DAPK2: variants seen among roughly 807,000 people sequenced by gnomAD.
DAPK2 encodes the protein death-associated protein kinase 2.
In DAPK2, 35 loss-of-function variants were observed where a neutral mutation model predicts 44.1. That is an observed-to-expected ratio of 0.79 (90% confidence interval 0.61 to 1.05). DAPK2 has a LOEUF of 1.05. DAPK2 is among the 50% of genes least tolerant of loss of function. DAPK2 has a pLI of 0.00. For missense variants in DAPK2, 453 were observed against 483.2 expected (o/e 0.94, Z 0.59); for synonymous variants, 174 against 182.6 (o/e 0.95, Z 0.38).
At chr15:64,012,251 A>G (rs189326544) in intron 1 of DAPK2, among the ~76,000 whole-genome samples, 333 of 152,344 alleles carry the variant, frequency 2.2e-3, no homozygotes, top group African/African-American at 7.7e-3. Flanking sequence ...GAGAACATCC[A>G]CTGATTTATC....
chr15:64,024,128 C>G (rs1413432592), intron 1 of DAPK2, among the ~76,000 whole-genome samples: 1 of 152,138 alleles, frequency 6.6e-6, no homozygotes, highest in Non-Finnish European at 1.5e-5. Context: ...TTTTGTTACC[C>G]AACTTTAAGC....
upstream of DAPK2, chr15:64,046,322 CGCGGCCGCGGCAGGCGCGGCGGGA>C (rs1233029611): frequency 6.7e-3 from 6,376 of 952,354 alleles, 309 homozygotes; most frequent in African/African-American, 0.11. The surrounding 1 kb of genome is among the most constrained non-coding windows in gnomAD (Gnocchi z 5.3). Context: ...CTGCCGCGGT[CGCGGCCGCGGCAGGCGCGGCGGGA>C]GCGGCGGGCG....
At chr15:63,994,776 G>C (rs908540124) in intron 1 of DAPK2, among the ~76,000 whole-genome samples, 4 of 152,002 alleles carry the variant, frequency 2.6e-5, no homozygotes, top group African/African-American at 7.2e-5. Context: ...TTTTAGTAGA[G>C]ACCAGGTTTC....
intron 1 of DAPK2, among the ~76,000 whole-genome samples, chr15:63,989,691 A>G (rs1471863227): frequency 6.6e-6 from 1 of 152,118 alleles, no homozygotes; most frequent in Non-Finnish European, 1.5e-5. Flanking sequence ...ACATACACAC[A>G]CACATACATA....
rs557721369 is a variant in DAPK2 at position 63,939,444 on chromosome 15, T to C, written c.454-83A>G. ...GTAATTAAAGGCTGGTTGGTTCGTG[T>C]TTTGGCTTTGGGGTTTGGGGTGGGA... On this transcript the variant is annotated intron_variant, in intron 3 of 10. Transcript: ENST00000261891. The surrounding 1 kb of genome is among the most constrained non-coding windows in gnomAD (Gnocchi z 4.3). 217 of 1,433,656 alleles carry C rather than the reference T, an allele frequency of 1.5e-4. No individual in the cohort carries two copies. Among genetic ancestry groups the C allele is most frequent in the Non-Finnish European group, 2.0e-4 (209 of 1,069,116 alleles). The allele number at this position is 1,433,656 out of a possible 1,614,324, so 88.8% of individuals were successfully genotyped here. A position where few individuals can be genotyped will look rare whatever the true frequency, so the allele number is the denominator to read the frequency against.
Position 64,014,256 on chromosome 15 carries a change from T to C in DAPK2, c.92+25914A>G, listed in dbSNP as rs550397967. Among the ~76,000 whole-genome samples the C allele has an allele frequency of 1.1e-3, 166 of 152,332 alleles. 2 individuals are homozygous for C. In the South Asian group the frequency reaches 0.027, roughly 25 times the overall value. Reference sequence around the variant, plus strand: ...GGGAATGGGATCTCTGACCCTACCTTGGCCACAAGGAGAACATTTATGTTG... The same window carrying C: ...GGGAATGGGATCTCTGACCCTACCTCGGCCACAAGGAGAACATTTATGTTG... On this transcript the variant is annotated intron_variant, in intron 1 of 10. Coordinates refer to ENST00000261891, the Ensembl canonical transcript of DAPK2.
chr15:63,967,005 C>T (rs2078072356), intron 3 of DAPK2, among the ~76,000 whole-genome samples: 3 of 151,910 alleles, frequency 2.0e-5, no homozygotes, highest in Admixed American at 2.0e-4. Context: ...TGGTGAAACC[C>T]CGTCTCTACT....
intron 1 of DAPK2, among the ~76,000 whole-genome samples, chr15:64,029,455 T>C (rs767715602): frequency 2.0e-5 from 3 of 152,166 alleles, no homozygotes; most frequent in Non-Finnish European, 4.4e-5. Flanking sequence ...GCCCTCACCC[T>C]TGAGGTAGTT....
intron 2 of DAPK2, among the ~76,000 whole-genome samples, chr15:63,979,759 A>G (rs1216911886): frequency 6.6e-6 from 1 of 151,754 alleles, no homozygotes; most frequent in Non-Finnish European, 1.5e-5. Flanking sequence ...CTAAAAATAC[A>G]AAAAAAATTA....
At chr15:63,933,760 G>C (rs141514535) in intron 4 of DAPK2, among the ~76,000 whole-genome samples, 27 of 151,446 alleles carry the variant, frequency 1.8e-4, no homozygotes, top group South Asian at 6.3e-4. Context: ...CACTATACCA[G>C]GTAATTTTTA....
chr15:63,963,419 C>T (rs368525615), intron 3 of DAPK2, among the ~76,000 whole-genome samples: 23 of 152,230 alleles, frequency 1.5e-4, no homozygotes, highest in Middle Eastern at 3.2e-3. Flanking sequence ...GCGTCGCTCA[C>T]GCTGGGAGCT....
At chr15:64,027,490 G>A (rs935028298) in intron 1 of DAPK2, among the ~76,000 whole-genome samples, 1 of 151,968 alleles carries the variant, frequency 6.6e-6, no homozygotes, top group Non-Finnish European at 1.5e-5. Flanking sequence ...AACCCAAGGA[G>A]GTCAGAAGCT....
In DAPK2 at chr15:63,926,844, A is replaced by G. The variant is rs567302696; in HGVS notation, c.660-751T>C. Among the ~76,000 whole-genome samples the G allele has an allele frequency of 5.9e-5, 9 of 152,344 alleles. No homozygotes were observed. The East Asian group carries it at 1.7e-3, about 29-fold the overall frequency. On this transcript the variant is annotated intron_variant, in intron 6 of 10. Transcript: ENST00000261891. ...ACAAATGTACCCGAGCTAGAAGCAC[A>G]GGAGTCACCTTGGACTCTTCTTTCT...
At chr15:63,955,053 T>A (rs1879919017) in intron 3 of DAPK2, among the ~76,000 whole-genome samples, 1 of 152,224 alleles carries the variant, frequency 6.6e-6, no homozygotes, top group Non-Finnish European at 1.5e-5. Flanking sequence ...AATTTTTTGG[T>A]GGAGTCTTCA....
intron 1 of DAPK2, among the ~76,000 whole-genome samples, chr15:64,022,075 C>T (rs332280): frequency 0.82 from 125,113 of 152,078 alleles, 51,771 homozygotes; most frequent in East Asian, 0.92. Flanking sequence ...AAGAGGAAAG[C>T]AGGGTAACAA....
intron 8 of DAPK2, chr15:63,922,740 G>C: frequency 1.3e-6 from 2 of 1,516,290 alleles, no homozygotes; most frequent in Non-Finnish European, 1.8e-6. Flanking sequence ...GGCGATTAGA[G>C]CTTCCAGCCT....
Position 64,040,237 on chromosome 15 carries a change from G to A in DAPK2, c.25C>T (p.Pro9Ser), listed in dbSNP as rs779065304. The A allele has an allele frequency of 2.5e-6, 4 of 1,613,956 alleles. No homozygotes were observed. The East Asian group carries it at 8.9e-5, about 36-fold the overall frequency. Residue 9 changes from proline (P) to serine (S), a missense_variant, in exon 1 of 11, where the codon CCA becomes TCA. By Grantham distance (74) the Pro-to-Ser change is moderately conservative. Transcript: ENST00000261891. ...TGCTGCTTGAATGGCTCCATGTTTGGACTCCTCATTGAGGCCTGGAACATA... is the reference window on the plus strand; with the variant it reads ...TGCTGCTTGAATGGCTCCATGTTTGAACTCCTCATTGAGGCCTGGAACATA...
chr15:63,994,349 C>A (rs2078891728), intron 1 of DAPK2, among the ~76,000 whole-genome samples: 1 of 151,548 alleles, frequency 6.6e-6, no homozygotes, highest in African/African-American at 2.4e-5. Flanking sequence ...CATTGGCAGA[C>A]TCACTTACAA....
chr15:64,025,366 G>A (rs146342248), intron 1 of DAPK2, among the ~76,000 whole-genome samples: 3,609 of 152,278 alleles, frequency 0.024, 63 homozygotes, highest in South Asian at 0.062. Flanking sequence ...CCAACATCCA[G>A]AGCGCCCTTC....
Sources: allele counts gnomAD v4.1 joint callset (sites outside exome capture counted in the v4.1 genomes callset), GRCh38; gene constraint gnomAD v4.1.1; non-coding constraint Gnocchi (gnomAD v3.1); transcripts MANE v1.5; gene names NCBI Gene and HGNC (gene_info 2026-07-23, HGNC 2026-07-21).